Variants in EXT1 observed in about 807,000 individuals in gnomAD.
EXT1 encodes the protein exostosin glycosyltransferase 1.
A neutral mutation model predicts 82.5 loss-of-function variants in EXT1; 20 were observed. That is an observed-to-expected ratio of 0.24 (90% CI 0.17 to 0.35). The LOEUF is 0.35. Ranked by LOEUF, EXT1 falls within the 10% of genes least tolerant of loss-of-function variation. The pLI, the probability that EXT1 is intolerant of heterozygous loss-of-function variation, is 1.00. For missense variants in EXT1, 757 were observed against 936.5 expected, an observed-to-expected ratio of 0.81 and a Z score of 2.50; for synonymous variants, 348 against 350.8, an observed-to-expected ratio of 0.99 and a Z score of 0.09.
chr8:118,111,559 A>C lies in EXT1; in HGVS notation c.-513T>G, dbSNP rs1817904328. On this transcript the variant is annotated 5_prime_UTR_variant, in exon 1 of 11. An upstream start codon of the reference 5' UTR is lost. Transcript: ENST00000378204. ...GATCCCGGGTTCAGCCGGCTAGTGC[A>C]TCTTGCAGCTGGGGCGCCGTAACCT... 9.2e-6 allele frequency: 4 copies of C among 435,430 alleles called. No homozygotes were observed. The highest frequency in any genetic ancestry group is 1.6e-5 in the Non-Finnish European group (4 of 247,130). The allele number at this position is 435,430 out of a possible 1,614,324, so 27.0% of individuals were successfully genotyped here.
intron 1 of EXT1, among the ~76,000 whole-genome samples, chr8:118,035,220 T>C (rs1421972692): frequency 6.6e-6 from 1 of 152,110 alleles, no homozygotes; most frequent in Non-Finnish European, 1.5e-5. Flanking sequence ...TCCTACTCAA[T>C]GTGGTTTGCT....
intron 1 of EXT1, among the ~76,000 whole-genome samples, chr8:117,846,232 C>T (rs1297565397): frequency 6.6e-6 from 1 of 152,098 alleles, no homozygotes; most frequent in Non-Finnish European, 1.5e-5. Context: ...CTCAGACTCC[C>T]AAGTAGGTGG....
chr8:118,010,232 C>T (rs1456216888), intron 1 of EXT1, among the ~76,000 whole-genome samples: 2 of 151,754 alleles, frequency 1.3e-5, no homozygotes, highest in Non-Finnish European at 2.9e-5. Flanking sequence ...ATTAGCCGGG[C>T]GTGGTGGCGG....
intron 1 of EXT1, among the ~76,000 whole-genome samples, chr8:118,071,587 G>A (rs1222868596): frequency 1.3e-5 from 2 of 152,090 alleles, no homozygotes; most frequent in Non-Finnish European, 2.9e-5. Context: ...CAAATGATGA[G>A]TAAGGCTAAA....
At position 117,826,103 on chromosome 8, in the gene EXT1, C is replaced by T. The variant is rs141727667; in HGVS notation, c.1285-3506G>A. ...ATTTTCACAAAAGTACTGAGCTCTA[C>T]AGAGCCTAGTTTGATTAAATAGCTC... On this transcript the variant is annotated intron_variant, in intron 4 of 10. Coordinates refer to ENST00000378204, the MANE Select transcript of EXT1 (RefSeq NM_000127.3). Among the ~76,000 whole-genome samples the T allele has an allele frequency of 6.2e-3, 939 of 152,302 alleles. 6 individuals are homozygous for T. The highest frequency in any genetic ancestry group is 8.0e-3 in the Non-Finnish European group (541 of 68,020).
At chr8:117,962,569 T>A (rs1382357445) in intron 1 of EXT1, among the ~76,000 whole-genome samples, 1 of 152,030 alleles carries the variant, frequency 6.6e-6, no homozygotes, top group African/African-American at 2.4e-5. Flanking sequence ...CTGGCCAACA[T>A]GGTGAAACGC....
At chr8:118,086,650 C>G (rs1364658816) in intron 1 of EXT1, among the ~76,000 whole-genome samples, 3 of 152,132 alleles carry the variant, frequency 2.0e-5, no homozygotes, top group South Asian at 2.1e-4. Flanking sequence ...AAGGGAGAAA[C>G]CGAGAATCTT....
chr8:118,078,138 C>T lies in EXT1; in HGVS notation c.962+31947G>A, dbSNP rs559183583. Among the ~76,000 whole-genome samples the T allele has an allele frequency of 5.1e-4, 78 of 152,244 alleles. No individual in the cohort carries two copies. In the South Asian group the frequency reaches 0.015, roughly 29 times the overall value. ...CTTTTCCAACTCCTTTTTTACACAA[C>T]TCACTATGTATCTGTTGAAGAAGAA... On this transcript the variant is annotated intron_variant, in intron 1 of 10. Transcript: ENST00000378204.
intron 1 of EXT1, among the ~76,000 whole-genome samples, chr8:117,935,120 A>C (rs1176475099): frequency 6.6e-6 from 1 of 151,984 alleles, no homozygotes; most frequent in Non-Finnish European, 1.5e-5. Context: ...ATCTCCTAGG[A>C]TTATGGTGAG....
At chr8:117,949,876 C>A (rs190687330) in intron 1 of EXT1, among the ~76,000 whole-genome samples, 1 of 152,096 alleles carries the variant, frequency 6.6e-6, no homozygotes, top group Non-Finnish European at 1.5e-5. Context: ...ATTTTTAAGA[C>A]AAGATAACTG....
At chr8:117,889,109 G>A (rs1259135793) in intron 1 of EXT1, among the ~76,000 whole-genome samples, 2 of 152,110 alleles carry the variant, frequency 1.3e-5, no homozygotes, top group Non-Finnish European at 2.9e-5. Context: ...AGTTGTGATA[G>A]CTGGAGCTGG....
At chr8:117,970,938 AG>A (rs1814926934) in intron 1 of EXT1, among the ~76,000 whole-genome samples, 1 of 152,176 alleles carries the variant, frequency 6.6e-6, no homozygotes. Flanking sequence ...AGGATTCTCA[AG>A]AGGATGAGAA....
chr8:118,057,962 C>T (rs1036990871), intron 1 of EXT1, among the ~76,000 whole-genome samples: 2 of 148,490 alleles, frequency 1.3e-5, no homozygotes, highest in Admixed American at 6.7e-5. Context: ...CAGAGTTAGA[C>T]CCCATCTCAA....
chr8:117,942,292 T>C (rs1814298673), intron 1 of EXT1, among the ~76,000 whole-genome samples: 1 of 152,194 alleles, frequency 6.6e-6, no homozygotes. Flanking sequence ...GAGGCATACA[T>C]TTATCATCAC....
intron 1 of EXT1, among the ~76,000 whole-genome samples, chr8:118,012,137 A>G (rs1815912129): frequency 6.6e-6 from 1 of 152,200 alleles, no homozygotes; most frequent in African/African-American, 2.4e-5. Flanking sequence ...ATAAAGGAAA[A>G]CTCACAGACC....
intron 1 of EXT1, among the ~76,000 whole-genome samples, chr8:117,997,288 TATATA>T (rs1422858069): frequency 7.0e-6 from 1 of 143,460 alleles, no homozygotes; most frequent in African/African-American, 2.6e-5. Context: ...ATATACTTTA[TATATA>T]ATATACTTTA....
chr8:118,057,746 G>A (rs966936147), intron 1 of EXT1, among the ~76,000 whole-genome samples: 5 of 151,856 alleles, frequency 3.3e-5, no homozygotes, highest in African/African-American at 1.2e-4. Context: ...GGCCGAGGCG[G>A]GAGGATCACC....
intron 1 of EXT1, among the ~76,000 whole-genome samples, chr8:117,891,880 C>T (rs1464355893): frequency 6.8e-6 from 1 of 146,412 alleles, no homozygotes; most frequent in Non-Finnish European, 1.5e-5. Flanking sequence ...GATCTCGGCT[C>T]ACTGCTACCT....
intron 8 of EXT1, among the ~76,000 whole-genome samples, chr8:117,807,882 C>G (rs894008555): frequency 1.3e-5 from 2 of 151,742 alleles, no homozygotes; most frequent in African/African-American, 4.8e-5. Context: ...AAAAACACCA[C>G]AAGTTCTAAC....
Sources: allele counts gnomAD v4.1 joint callset (sites outside exome capture counted in the v4.1 genomes callset), GRCh38; gene constraint gnomAD v4.1.1; transcripts MANE v1.5; gene names NCBI Gene and HGNC (gene_info 2026-07-23, HGNC 2026-07-21).